RACGAP1: variants seen among roughly 807,000 people sequenced by gnomAD.
RACGAP1 encodes the protein rac GTPase-activating protein 1.
A neutral mutation model predicts 78.1 loss-of-function variants in RACGAP1; 30 were observed. That is an observed-to-expected ratio of 0.38 (90% CI 0.29 to 0.52). RACGAP1 has a LOEUF of 0.52. Ranked by LOEUF, RACGAP1 falls within the 20% of genes least tolerant of loss-of-function variation. The pLI is 0.82. For missense variants in RACGAP1, 587 were observed against 777.1 expected, an observed-to-expected ratio of 0.76 and a Z score of 2.91; for synonymous variants, 231 against 264.8, an observed-to-expected ratio of 0.87 and a Z score of 1.24.
intron 1 of RACGAP1, among the ~76,000 whole-genome samples, chr12:50,019,398 T>G (rs546341428): frequency 1.5e-3 from 222 of 152,292 alleles, no homozygotes; most frequent in Admixed American, 7.2e-3. Flanking sequence ...CACAAGCATG[T>G]AGCATTTAAT....
intron 2 of RACGAP1, among the ~76,000 whole-genome samples, chr12:50,006,914 C>T (rs981429099): frequency 1.2e-4 from 18 of 152,202 alleles, no homozygotes; most frequent in African/African-American, 4.1e-4. Flanking sequence ...CACCTGGCTC[C>T]AGATGTAACA....
intron 2 of RACGAP1, among the ~76,000 whole-genome samples, chr12:50,031,401 C>T (rs762619152): frequency 1.1e-4 from 17 of 148,144 alleles, no homozygotes; most frequent in Admixed American, 4.8e-4. Flanking sequence ...ATTGCTTGAA[C>T]CTGGGAGGTG....
rs183509294 is a variant in RACGAP1, at chr12:50,015,419, C to T, written c.85+1212G>A. The stretch of plus-strand genomic sequence containing the variant: ...GCCTGGTGGCTCATGCCTATAATCT[C>T]ATCACTTTGGGAGGCAGAAGTGAGA... On this transcript the variant is annotated intron_variant, in intron 2 of 16. Transcript: ENST00000312377. Among the ~76,000 whole-genome samples, 3 of 152,262 alleles carry T rather than the reference C, an allele frequency of 2.0e-5. No individual in the cohort carries two copies. The East Asian group carries it at 5.8e-4, about 29-fold the overall frequency.
intron 1 of RACGAP1, among the ~76,000 whole-genome samples, chr12:50,024,788 C>CT (rs1027539169): frequency 1.3e-5 from 2 of 148,794 alleles, no homozygotes; most frequent in African/African-American, 5.1e-5. Flanking sequence ...ATAATGCTTT[C>CT]TTAAAAAAAA....
rs1216283574 is a variant in RACGAP1 at position 50,015,757 on chromosome 12, G to A, written c.85+874C>T. On this transcript the variant is annotated intron_variant, in intron 2 of 16. Transcript: ENST00000312377. ...GCGGAGCTTGCAGTGAGCCGAGATCGCACCACTGCACTCCAGCCTGGGTGA... is the reference window on the plus strand; with the variant it reads ...GCGGAGCTTGCAGTGAGCCGAGATCACACCACTGCACTCCAGCCTGGGTGA... 7.9e-5 allele frequency among the ~76,000 whole-genome samples: 12 copies of A among 151,104 alleles called. No individual in the cohort carries two copies. In the South Asian group the frequency reaches 1.7e-3, roughly 21 times the overall value.
At chr12:50,025,346 C>G (rs759211283) in intron 1 of RACGAP1, 52 bp downstream of exon 1, 2 of 985,688 alleles carry the variant, frequency 2.0e-6, no homozygotes, top group Non-Finnish European at 2.4e-6. Flanking sequence ...CACTCTGCTT[C>G]CTATCACAAT....
At chr12:50,014,091 A>G (rs1459080920) in intron 2 of RACGAP1, among the ~76,000 whole-genome samples, 1 of 152,236 alleles carries the variant, frequency 6.6e-6, no homozygotes, top group Non-Finnish European at 1.5e-5. Flanking sequence ...AAAAACATCA[A>G]TCAATTCAAA....
At chr12:50,010,308 C>T (rs1949233636) in intron 2 of RACGAP1, among the ~76,000 whole-genome samples, 1 of 146,166 alleles carries the variant, frequency 6.8e-6, no homozygotes, top group South Asian at 2.1e-4. Context: ...ACTTAGCTCT[C>T]TTTTTTTAAC....
chr12:50,009,453 T>C (rs1401827016), intron 2 of RACGAP1, among the ~76,000 whole-genome samples: 1 of 109,588 alleles, frequency 9.1e-6, no homozygotes, highest in Non-Finnish European at 2.2e-5. Context: ...TTTAAGTGGG[T>C]CCAGAAATCC....
intron 4 of RACGAP1, 52 bp from the exon 5 acceptor site, chr12:50,004,356 A>C (rs777942882): frequency 6.4e-6 from 10 of 1,552,460 alleles, no homozygotes; most frequent in Non-Finnish European, 8.8e-6. Flanking sequence ...TGGAATGTAA[A>C]ATTCACCAAC....
intron 1 of RACGAP1, among the ~76,000 whole-genome samples, chr12:50,019,160 C>T (rs1314103923): frequency 6.6e-6 from 1 of 152,152 alleles, no homozygotes. Flanking sequence ...GTGTACTCTT[C>T]TCTCATGTAT....
At chr12:50,006,708 C>T (rs958838493) in intron 2 of RACGAP1, 72 bp from the exon 3 acceptor site, 19 of 1,422,698 alleles carry the variant, frequency 1.3e-5, no homozygotes, top group Middle Eastern at 1.8e-4. Flanking sequence ...ATGAGTCCTA[C>T]GGTTAGCTTT....
intron 2 of RACGAP1, among the ~76,000 whole-genome samples, chr12:50,010,935 CA>C (rs5798122): frequency 6.7e-6 from 1 of 148,202 alleles, no homozygotes; most frequent in Non-Finnish European, 1.5e-5. Context: ...AATTCTGTCT[CA>C]AAAAAAAAAT....
chr12:50,006,992 C>G (rs891422235), intron 2 of RACGAP1, among the ~76,000 whole-genome samples: 3 of 152,156 alleles, frequency 2.0e-5, no homozygotes, highest in African/African-American at 7.2e-5. Context: ...TGTCATGCAC[C>G]AGGACAGTTA....
At chr12:49,996,001 A>G (rs1948236724) in intron 10 of RACGAP1, among the ~76,000 whole-genome samples, 4 of 152,192 alleles carry the variant, frequency 2.6e-5, no homozygotes, top group Admixed American at 1.3e-4. Flanking sequence ...AGGCAACGAC[A>G]GTATTGATAA....
chr12:50,014,990 C>A (rs1449503817), intron 2 of RACGAP1, among the ~76,000 whole-genome samples: 1 of 150,688 alleles, frequency 6.6e-6, no homozygotes, highest in Non-Finnish European at 1.5e-5. Context: ...TTGCAGTGAG[C>A]CGAGACCACA....
intron 6 of RACGAP1, among the ~76,000 whole-genome samples, 192 bp from the exon 7 acceptor site, chr12:50,001,444 G>A (rs1948670471): frequency 6.6e-6 from 1 of 152,090 alleles, no homozygotes; most frequent in African/African-American, 2.4e-5. Context: ...AAAAGAATAT[G>A]TTGTACAAAA....
intron 2 of RACGAP1, among the ~76,000 whole-genome samples, chr12:50,011,226 T>C (rs1310030568): frequency 1.4e-5 from 2 of 145,780 alleles, no homozygotes; most frequent in Non-Finnish European, 3.0e-5. Context: ...CCCAGCTACT[T>C]GGGAGGCTGA....
At chr12:50,028,515 T>C (rs1950301365), upstream of RACGAP1, among the ~76,000 whole-genome samples, 1 of 152,252 alleles carries the variant, frequency 6.6e-6, no homozygotes, top group African/African-American at 2.4e-5. Flanking sequence ...ACGCCTGTAA[T>C]CCCAGCCCTT....
Sources: allele counts gnomAD v4.1 joint callset (sites outside exome capture counted in the v4.1 genomes callset), GRCh38; gene constraint gnomAD v4.1.1; transcripts MANE v1.5; gene names NCBI Gene and HGNC (gene_info 2026-07-23, HGNC 2026-07-21).